UAP1: variants seen among roughly 807,000 people sequenced by gnomAD.
UAP1 encodes the protein UDP-N-acetylglucosamine pyrophosphorylase 1.
UAP1 carries 25 observed loss-of-function variants against 58.5 expected under a neutral mutation model. The ratio of observed to expected loss-of-function variants is 0.43; its 90% confidence interval spans 0.31 to 0.60. The LOEUF (loss-of-function observed/expected upper bound fraction) is 0.60, where lower values mean the gene tolerates loss of function less well. Among genes scored for constraint, UAP1 ranks in the 20% least tolerant of loss-of-function variants. UAP1 has a pLI of 0.11. For synonymous variants in UAP1, 208 were observed against 213.0 expected, an observed-to-expected ratio of 0.98 and a Z score of 0.21; for missense variants, 575 against 630.0, an observed-to-expected ratio of 0.91 and a Z score of 0.93.
At chr1:162,578,106 T>C (rs1329903485) in intron 3 of UAP1, among the ~76,000 whole-genome samples, 1 of 152,180 alleles carries the variant, frequency 6.6e-6, no homozygotes. Flanking sequence ...TTCAGCTCTT[T>C]AGTCTCTTTC....
rs1653457933 is a variant in UAP1, at chr1:162,565,898, C to G, written c.-57-114C>G. 3 of 663,894 alleles carry G rather than the reference C, an allele frequency of 4.5e-6. No homozygotes were observed. In the South Asian group the frequency reaches 6.1e-5, roughly 14 times the overall value. The allele number at this position is 663,894 out of a possible 1,614,324, so 41.1% of individuals were successfully genotyped here. A position where few individuals can be genotyped will look rare whatever the true frequency, so the allele number is the denominator to read the frequency against. ...TTACAAATATTGAGTGATGGAAAAG[C>G]AGAAGTTAATTTTTTTAACATCGTT... On this transcript the variant is annotated intron_variant, in intron 1 of 10. Transcript: ENST00000271469.
intron 5 of UAP1, among the ~76,000 whole-genome samples, chr1:162,584,166 C>G (rs1654773068): frequency 1.3e-5 from 2 of 152,200 alleles, no homozygotes; most frequent in South Asian, 4.1e-4. Context: ...TCACTCCTCT[C>G]CATTACCTGT....
intron 5 of UAP1, among the ~76,000 whole-genome samples, chr1:162,585,318 C>G (rs1057326287): frequency 2.0e-5 from 3 of 151,698 alleles, no homozygotes; most frequent in Admixed American, 6.6e-5. Flanking sequence ...AGCGCAATGG[C>G]GCAATCTTGG....
intron 2 of UAP1, among the ~76,000 whole-genome samples, chr1:162,570,681 A>G (rs1018927922): frequency 2.6e-5 from 4 of 152,198 alleles, no homozygotes; most frequent in Non-Finnish European, 5.9e-5. Context: ...TTTTGTGCTT[A>G]CTATTTTGGG....
chr1:162,568,515 A>G (rs1653665698), intron 2 of UAP1, among the ~76,000 whole-genome samples: 1 of 152,202 alleles, frequency 6.6e-6, no homozygotes, highest in African/African-American at 2.4e-5. Flanking sequence ...AAATAATTGG[A>G]TCTTCTTCAA....
At chr1:162,575,131 C>T (rs1465846157) in intron 2 of UAP1, among the ~76,000 whole-genome samples, 9 of 152,118 alleles carry the variant, frequency 5.9e-5, no homozygotes, top group Non-Finnish European at 1.2e-4. Context: ...TGCAGTGGCA[C>T]GATCTCAGCT....
In UAP1 at chr1:162,565,201, G is replaced by C. The variant is rs148218635; in HGVS notation, c.-57-811G>C. Among the ~76,000 whole-genome samples, 1,403 of 152,232 alleles carry C rather than the reference G, an allele frequency of 9.2e-3. 26 individuals carry two copies. Among genetic ancestry groups the C allele is most frequent in the African/African-American group, 0.032 (1,312 of 41,532 alleles). On this transcript the variant is annotated intron_variant, in intron 1 of 10. Coordinates refer to ENST00000271469, the Ensembl canonical transcript of UAP1. ...CTTAACACATGGCTAGATTGTGCCT[G>C]TTTGTGAACTTTCTAGACAGCACCT...
intron 8 of UAP1, among the ~76,000 whole-genome samples, chr1:162,592,107 A>G (rs1314572523): frequency 6.6e-6 from 1 of 152,222 alleles, no homozygotes; most frequent in African/African-American, 2.4e-5. Flanking sequence ...AATAAATGGT[A>G]AAATATTGGG....
At position 162,599,468 on chromosome 1, in the gene UAP1, C is replaced by T. The variant is rs556939315; in HGVS notation, c.*105C>T. 3.1e-5 allele frequency: 22 copies of T among 704,014 alleles called. No individual in the cohort carries two copies. In the South Asian group the frequency reaches 3.8e-4, roughly 12 times the overall value. 43.6% of individuals were successfully genotyped at this position (704,014 alleles called of 1,614,324 possible). ...TGGACAACTGAAGTTTAAATATCCACAGGGTTTTATTTTGCTTGTTGAACT... is the reference window on the plus strand; with the variant it reads ...TGGACAACTGAAGTTTAAATATCCATAGGGTTTTATTTTGCTTGTTGAACT... On this transcript the variant is annotated 3_prime_UTR_variant, in exon 11 of 11. Transcript: ENST00000271469.
Position 162,566,359 on chromosome 1 carries a change from T to C in UAP1, c.280+11T>C, listed in dbSNP as rs766779844. ...CCTGGGAAAGTGAAGGTACTGGGCATGTACATATTTCTTACTGAAGTTTAT... is the reference window on the plus strand; with the variant it reads ...CCTGGGAAAGTGAAGGTACTGGGCACGTACATATTTCTTACTGAAGTTTAT... On this transcript the variant is annotated intron_variant, in intron 2 of 10. Transcript: ENST00000271469. 1 of 1,600,446 alleles carries C rather than the reference T, an allele frequency of 6.2e-7. No homozygotes were observed. The highest frequency in any genetic ancestry group is 8.5e-7 in the Non-Finnish European group (1 of 1,174,044).
chr1:162,589,118 ATTT>A (rs1362750483), intron 7 of UAP1, among the ~76,000 whole-genome samples: 1,181 of 116,336 alleles, frequency 0.01, 26 homozygotes, highest in African/African-American at 0.038. Flanking sequence ...TTATATATAT[ATTT>A]TATATATATA....
At chr1:162,590,622 T>G in intron 8 of UAP1, 111 bp downstream of exon 8, 2 of 820,490 alleles carry the variant, frequency 2.4e-6, no homozygotes, top group Non-Finnish European at 1.8e-6. Flanking sequence ...AAAAGCAAAG[T>G]TTTGATGTGT....
intron 2 of UAP1, among the ~76,000 whole-genome samples, chr1:162,572,916 G>A (rs1448041407): frequency 3.3e-5 from 5 of 152,050 alleles, no homozygotes; most frequent in South Asian, 2.1e-4. Context: ...AGAGTTCTGC[G>A]TTCTGAAACA....
intron 10 of UAP1, among the ~76,000 whole-genome samples, chr1:162,598,856 A>G (rs1307938239): frequency 6.6e-6 from 1 of 152,164 alleles, no homozygotes; most frequent in Non-Finnish European, 1.5e-5. Flanking sequence ...TCTACTAAAA[A>G]ATACAAAAAC....
chr1:162,592,553 G>A (rs1022210634), intron 8 of UAP1, among the ~76,000 whole-genome samples, 179 bp from the exon 9 acceptor site: 2 of 151,994 alleles, frequency 1.3e-5, no homozygotes, highest in Non-Finnish European at 2.9e-5. Flanking sequence ...TTGTCCTCAT[G>A]TTTCATCTTT....
intron 1 of UAP1, among the ~76,000 whole-genome samples, chr1:162,563,474 C>G (rs778440018): frequency 1.3e-5 from 2 of 152,094 alleles, no homozygotes; most frequent in African/African-American, 4.8e-5. Context: ...AGGCGATTCT[C>G]CTGCCTCAGC....
At position 162,579,397 on chromosome 1, in the gene UAP1, T is replaced by C. The variant is rs769044145; in HGVS notation, c.486-31T>C. ...TTTTGCCCTAGTCCACCTAGCACGGTTGCTTAGAAGATCTGATTTTCTCTT... is the reference window on the plus strand; with the variant it reads ...TTTTGCCCTAGTCCACCTAGCACGGCTGCTTAGAAGATCTGATTTTCTCTT... On this transcript the variant is annotated intron_variant, in intron 3 of 10. Transcript: ENST00000271469. 8.3e-6 allele frequency: 12 copies of C among 1,446,946 alleles called. No individual in the cohort carries two copies. The South Asian group carries it at 1.8e-4, about 22-fold the overall frequency. The allele number at this position is 1,446,946 out of a possible 1,614,324, so 89.6% of individuals were successfully genotyped here.
intron 5 of UAP1, among the ~76,000 whole-genome samples, chr1:162,585,682 A>G (rs187610615): frequency 2.6e-5 from 4 of 152,182 alleles, no homozygotes; most frequent in African/African-American, 7.2e-5. Context: ...CATAGAAGTA[A>G]ACCTTTGGGA....
At position 162,562,897 on chromosome 1, in the gene UAP1, G is replaced by A. The variant is rs181447507; in HGVS notation, c.-58+1120G>A. 2.6e-5 allele frequency among the ~76,000 whole-genome samples: 4 copies of A among 152,302 alleles called. No homozygotes were observed. The East Asian group carries it at 7.7e-4, about 29-fold the overall frequency. On this transcript the variant is annotated intron_variant, in intron 1 of 10. Transcript: ENST00000271469. ...CAGCAGAGATAGGGGCTGGGTGGGGGAAGCCAGAAAAGGAGGGAGAAATAC... is the reference window on the plus strand; with the variant it reads ...CAGCAGAGATAGGGGCTGGGTGGGGAAAGCCAGAAAAGGAGGGAGAAATAC...
Sources: gnomAD v4.1 joint callset for allele counts (sites outside exome capture counted in the v4.1 genomes callset) on GRCh38, gnomAD v4.1.1 for gene constraint, MANE v1.5 for transcripts, NCBI Gene and HGNC (gene_info 2026-07-23, HGNC 2026-07-21) for gene names.